Variants in RIGI observed in about 807,000 individuals in gnomAD.
RIGI encodes the protein antiviral innate immune response receptor RIG-I.
At chr9:32,461,246 A>G in the RIGI span, among the ~76,000 whole-genome samples, 5 of 152,244 alleles carry the variant, frequency 3.3e-5, no homozygotes, top group Non-Finnish European at 7.3e-5. Context: ...ACATTCTTAG[A>G]TGAAGGAACA....
the RIGI span, chr9:32,488,226 T>C: frequency 1.2e-6 from 2 of 1,610,162 alleles, no homozygotes; most frequent in Non-Finnish European, 1.7e-6. Context: ...AGAAATTCCA[T>C]ATTACTAACC....
chr9:32,457,271 C>T, the RIGI span: 3 of 1,614,056 alleles, frequency 1.9e-6, no homozygotes, highest in Non-Finnish European at 2.5e-6. Context: ...TTGTACTTCA[C>T]ATGGATTCCC....
the RIGI span, among the ~76,000 whole-genome samples, chr9:32,520,740 A>G: frequency 6.6e-6 from 1 of 152,226 alleles, no homozygotes; most frequent in Non-Finnish European, 1.5e-5. Flanking sequence ...CCCCTGTGTC[A>G]TAACAGGGTT....
chr9:32,471,292 A>G, the RIGI span, among the ~76,000 whole-genome samples: 1 of 152,196 alleles, frequency 6.6e-6, no homozygotes, highest in Admixed American at 6.5e-5. Flanking sequence ...ATTTTTTCCT[A>G]ATATATTTCC....
At chr9:32,506,868 T>C in the RIGI span, among the ~76,000 whole-genome samples, 1 of 152,228 alleles carries the variant, frequency 6.6e-6, no homozygotes, top group African/African-American at 2.4e-5. Context: ...TAAGTGTTCA[T>C]TCTTTTGAAA....
At chr9:32,467,151 G>A in the RIGI span, among the ~76,000 whole-genome samples, 1 of 152,156 alleles carries the variant, frequency 6.6e-6, no homozygotes. Flanking sequence ...AATAAGTGAG[G>A]AAGTCAGGTT....
At chr9:32,457,018 T>C in the RIGI span, 49 of 858,482 alleles carry the variant, frequency 5.7e-5, no homozygotes, top group Admixed American at 1.1e-3. Flanking sequence ...TTAAAAAATA[T>C]ATTTTCACAG....
At chr9:32,476,920 C>A in the RIGI span, 1 of 1,414,834 alleles carries the variant, frequency 7.1e-7, no homozygotes, top group South Asian at 1.3e-5. Flanking sequence ...CCATACCCAG[C>A]CCAATCTTTT....
chr9:32,500,161 C>A, the RIGI span, among the ~76,000 whole-genome samples: 1 of 152,132 alleles, frequency 6.6e-6, no homozygotes, highest in Non-Finnish European at 1.5e-5. Flanking sequence ...AAAGAAAAGC[C>A]CCAATCTACT....
chr9:32,516,702 G>C, the RIGI span, among the ~76,000 whole-genome samples: 1 of 152,154 alleles, frequency 6.6e-6, no homozygotes, highest in African/African-American at 2.4e-5. Context: ...ACTAAGAAAG[G>C]GAAGCACCCT....
the RIGI span, among the ~76,000 whole-genome samples, chr9:32,464,556 A>T: frequency 6.6e-6 from 1 of 151,868 alleles, no homozygotes; most frequent in Non-Finnish European, 1.5e-5. Context: ...CGCCTGGCTA[A>T]TTTTTTGTAT....
At chr9:32,456,240 A>G in the RIGI span, 3 of 152,306 alleles carry the variant, frequency 2.0e-5, no homozygotes, top group South Asian at 6.2e-4. Context: ...GAACATATTA[A>G]TAGGGCAAGA....
the RIGI span, among the ~76,000 whole-genome samples, chr9:32,470,998 C>A: frequency 1.9e-3 from 290 of 152,370 alleles, 1 homozygote; most frequent in African/African-American, 6.9e-3. Flanking sequence ...GTGTTTCACA[C>A]CTGTAATCCC....
the RIGI span, among the ~76,000 whole-genome samples, chr9:32,477,451 C>T: frequency 5.3e-5 from 8 of 152,136 alleles, no homozygotes; most frequent in South Asian, 1.7e-3. Context: ...AACAGAAAAC[C>T]TAAGTACCCA....
chr9:32,457,350 T>C, the RIGI span: 2 of 1,614,176 alleles, frequency 1.2e-6, no homozygotes, highest in Non-Finnish European at 1.7e-6. Flanking sequence ...AAAACTGCTT[T>C]GGCTTGGGAT....
the RIGI span, among the ~76,000 whole-genome samples, chr9:32,461,119 G>A: frequency 4.6e-5 from 7 of 151,554 alleles, no homozygotes; most frequent in Admixed American, 2.0e-4. Context: ...CATTAGAAAC[G>A]ATGGAGGCTA....
At chr9:32,478,473 A>G in the RIGI span, among the ~76,000 whole-genome samples, 6 of 152,228 alleles carry the variant, frequency 3.9e-5, no homozygotes, top group African/African-American at 9.6e-5. Flanking sequence ...CACTAGTTCA[A>G]TGACATCATG....
the RIGI span, among the ~76,000 whole-genome samples, chr9:32,470,948 G>C: frequency 6.6e-6 from 1 of 152,146 alleles, no homozygotes; most frequent in Non-Finnish European, 1.5e-5. Flanking sequence ...TCTACCTCAG[G>C]GTTAACAGAA....
the RIGI span, among the ~76,000 whole-genome samples, chr9:32,508,604 A>G: frequency 6.6e-6 from 1 of 152,120 alleles, no homozygotes; most frequent in African/African-American, 2.4e-5. Flanking sequence ...CTTCGCAACC[A>G]GCAGACCAGG....
Sources: gnomAD v4.1 joint callset for allele counts (sites outside exome capture counted in the v4.1 genomes callset) on GRCh38, gnomAD v4.1.1 for gene constraint, MANE v1.5 for transcripts, NCBI Gene and HGNC (gene_info 2026-07-23, HGNC 2026-07-21) for gene names.